TAFA2: variants seen among roughly 807,000 people sequenced by gnomAD.
TAFA2 encodes TAFA chemokine like family member 2, also known as chemokine-like protein TAFA-2.
In TAFA2, 7 loss-of-function variants were observed where a neutral mutation model predicts 18.8. That is an observed-to-expected ratio of 0.37 (90% CI 0.21 to 0.70). The LOEUF (loss-of-function observed/expected upper bound fraction) is 0.70. Ranked by LOEUF, TAFA2 falls within the 30% of genes least tolerant of loss-of-function variation. TAFA2 has a pLI of 0.53. For synonymous variants in TAFA2, 60 were observed against 54.2 expected (o/e 1.11, Z -0.47); for missense variants, 122 against 158.1 (o/e 0.77, Z 1.23).
chr12:61,832,523 C>A (rs1390831957), intron 2 of TAFA2, among the ~76,000 whole-genome samples: 1 of 152,042 alleles, frequency 6.6e-6, no homozygotes, highest in Non-Finnish European at 1.5e-5. Flanking sequence ...CAAGCCACCC[C>A]CACTAGGCTT....
At chr12:61,941,101 A>G (rs1466302428) in intron 1 of TAFA2, among the ~76,000 whole-genome samples, 1 of 152,200 alleles carries the variant, frequency 6.6e-6, no homozygotes, top group Non-Finnish European at 1.5e-5. Flanking sequence ...GTAATTTTAT[A>G]AAATTTAAAT....
chr12:61,885,930 C>T (rs1875357077), intron 1 of TAFA2, among the ~76,000 whole-genome samples: 1 of 152,044 alleles, frequency 6.6e-6, no homozygotes, highest in Admixed American at 6.6e-5. Context: ...TTTTTTATTC[C>T]TGTGCACATT....
chr12:61,875,344 A>T (rs747982692), intron 1 of TAFA2, among the ~76,000 whole-genome samples: 59 of 152,012 alleles, frequency 3.9e-4, no homozygotes, highest in Non-Finnish European at 6.3e-4. Context: ...TTTTTTATTC[A>T]GTGCTCCTCT....
chr12:61,841,297 A>C (rs1873163297), intron 2 of TAFA2, among the ~76,000 whole-genome samples: 1 of 152,120 alleles, frequency 6.6e-6, no homozygotes, highest in Non-Finnish European at 1.5e-5. Context: ...CCCTGCCTCA[A>C]AATAAGGTAT....
At chr12:62,084,837 C>T (rs75395191) in intron 1 of TAFA2, among the ~76,000 whole-genome samples, 2,371 of 152,154 alleles carry the variant, frequency 0.016, 61 homozygotes, top group African/African-American at 0.051. Flanking sequence ...TTCAGACTAG[C>T]GATATCTGGT....
At chr12:61,879,403 C>G (rs569427901) in intron 1 of TAFA2, 173 of 717,438 alleles carry the variant, frequency 2.4e-4, no homozygotes, top group Non-Finnish European at 3.6e-4. Context: ...CACGAGTGGT[C>G]CCGGTGCCCC....
chr12:62,031,468 A>G (rs1254380514), intron 1 of TAFA2, among the ~76,000 whole-genome samples: 2 of 151,960 alleles, frequency 1.3e-5, no homozygotes, highest in African/African-American at 2.4e-5. Flanking sequence ...GTGAGTTAAT[A>G]CTTAATAAAC....
At chr12:62,218,453 G>C (rs183311857) in intron 1 of TAFA2, among the ~76,000 whole-genome samples, 1 of 152,286 alleles carries the variant, frequency 6.6e-6, no homozygotes, top group Admixed American at 6.5e-5. Flanking sequence ...AGTTATCAAA[G>C]TGAGGGATAA....
chr12:61,897,302 G>A lies in TAFA2; in HGVS notation c.-1-29876C>T, dbSNP rs74098458. On this transcript the variant is annotated intron_variant, in intron 1 of 4. Transcript: ENST00000416284. ...CTTCATAAATATGACATTATACTAT[G>A]TGCAATTTCCTGAAACTTGCTTTTT... 7.8e-3 allele frequency among the ~76,000 whole-genome samples: 1,186 copies of A among 152,150 alleles called. 12 individuals carry two copies. Among genetic ancestry groups the A allele is most frequent in the African/African-American group, 0.028 (1,145 of 41,516 alleles).
chr12:61,792,066 A>G (rs1871005191), intron 2 of TAFA2, among the ~76,000 whole-genome samples: 1 of 151,724 alleles, frequency 6.6e-6, no homozygotes, highest in Non-Finnish European at 1.5e-5. Context: ...TTGCAACAAC[A>G]TGGATAATAC....
intron 2 of TAFA2, among the ~76,000 whole-genome samples, chr12:61,766,552 A>T (rs1869798993): frequency 6.6e-6 from 1 of 152,022 alleles, no homozygotes; most frequent in South Asian, 2.1e-4. Flanking sequence ...ACAATTTCTT[A>T]CTTATCTCTG....
chr12:62,036,835 T>A (rs1022483719), intron 1 of TAFA2, among the ~76,000 whole-genome samples: 11 of 152,188 alleles, frequency 7.2e-5, no homozygotes, highest in Non-Finnish European at 1.2e-4. Context: ...TTAGTAGAAG[T>A]CTCCTGGCTG....
chr12:61,764,159 A>G (rs1869683190), intron 2 of TAFA2, among the ~76,000 whole-genome samples: 1 of 151,998 alleles, frequency 6.6e-6, no homozygotes, highest in African/African-American at 2.4e-5. Context: ...CTGATACTTC[A>G]AATGATGACC....
At chr12:62,042,779 G>T in intron 1 of TAFA2, among the ~76,000 whole-genome samples, 1 of 151,846 alleles carries the variant, frequency 6.6e-6, no homozygotes, top group East Asian at 1.9e-4. Context: ...TCATTCCAGC[G>T]GGGTCGCCTG....
At chr12:61,886,601 C>T (rs1462955274) in intron 1 of TAFA2, among the ~76,000 whole-genome samples, 2 of 152,180 alleles carry the variant, frequency 1.3e-5, no homozygotes, top group Admixed American at 1.3e-4. Flanking sequence ...ACTGGGTCCG[C>T]AGAGTGGCAA....
At chr12:61,750,050 C>A (rs1323153327) in intron 4 of TAFA2, among the ~76,000 whole-genome samples, 1 of 151,722 alleles carries the variant, frequency 6.6e-6, no homozygotes, top group Admixed American at 6.6e-5. Context: ...TGATTTCAAC[C>A]ATGTTAAATA....
At chr12:61,944,217 C>A (rs1214438180) in intron 1 of TAFA2, among the ~76,000 whole-genome samples, 1 of 148,304 alleles carries the variant, frequency 6.7e-6, no homozygotes, top group Non-Finnish European at 1.5e-5. Flanking sequence ...GGGTACATAA[C>A]GAAATGAAGG....
chr12:62,176,687 T>C (rs1256816961), intron 1 of TAFA2, among the ~76,000 whole-genome samples: 2 of 152,212 alleles, frequency 1.3e-5, no homozygotes, highest in Admixed American at 6.5e-5. Flanking sequence ...AATGCATTTA[T>C]AGGAAATCTG....
chr12:61,920,786 A>G (rs990861124), intron 1 of TAFA2, among the ~76,000 whole-genome samples: 2 of 152,070 alleles, frequency 1.3e-5, no homozygotes, highest in African/African-American at 4.8e-5. Flanking sequence ...TACAATGTAC[A>G]ATTTTCTAAT....
Sources: allele counts gnomAD v4.1 joint callset (sites outside exome capture counted in the v4.1 genomes callset), GRCh38; gene constraint gnomAD v4.1.1; transcripts MANE v1.5; gene names NCBI Gene and HGNC (gene_info 2026-07-23, HGNC 2026-07-21).